Variants in KCNQ1 observed in about 807,000 individuals in gnomAD.
The protein encoded by KCNQ1 is potassium voltage-gated channel subfamily Q member 1, also known as potassium voltage-gated channel subfamily KQT member 1.
Under a neutral mutation model 72.4 loss-of-function variants are expected in KCNQ1, and 49 were observed. The observed-to-expected ratio is 0.68, with a 90% CI of 0.54 to 0.86. KCNQ1 has a LOEUF of 0.86. Among genes scored for constraint, KCNQ1 ranks in the 40% least tolerant of loss-of-function variants. KCNQ1 has a pLI of 0.00. For missense variants in KCNQ1, 790 were observed against 945.1 expected (o/e 0.84, Z 2.15); for synonymous variants, 450 against 412.6 (o/e 1.09, Z -1.10).
rs1352752195 is a variant in KCNQ1 at position 2,567,000 on chromosome 11, C to G, written c.478-3628C>G. On this transcript the variant is annotated intron_variant, in intron 2 of 15. Coordinates refer to ENST00000155840, the MANE Select transcript of KCNQ1 (RefSeq NM_000218.3). The surrounding 1 kb of genome is among the most constrained non-coding windows in gnomAD (Gnocchi z 6.7). ...GGGGTGGAGTGGGGGAGGGAGAGAG[C>G]ACTCCTGACACAGGGTCCTGAGGAG... 6.6e-6 allele frequency among the ~76,000 whole-genome samples: 1 copy of G among 151,236 alleles called. No homozygotes were observed. The highest frequency in any genetic ancestry group is 2.4e-5 in the African/African-American group (1 of 41,136).
chr11:2,832,280 C>A (rs116417315), intron 15 of KCNQ1, among the ~76,000 whole-genome samples: 1,616 of 152,270 alleles, frequency 0.011, 29 homozygotes, highest in African/African-American at 0.037. Context: ...AATGGAGGTA[C>A]CAGAGGGCTG....
At chr11:2,840,393 T>TG (rs1848182763) in intron 15 of KCNQ1, 1 of 152,066 alleles carries the variant, frequency 6.6e-6, no homozygotes, top group Admixed American at 6.6e-5. Flanking sequence ...TCTAATCCAG[T>TG]GGGGAAAAGG....
chr11:2,803,080 C>T lies in KCNQ1; in HGVS notation c.1794+25043C>T, dbSNP rs183938545. ...TGGCAGGATGGGAGTGCCCATCAGC[C>T]GGAAGGCCACGGGAGTCAATGGTGA... is the stretch of plus-strand genomic sequence containing the variant. On this transcript the variant is annotated intron_variant, in intron 15 of 15. Coordinates refer to ENST00000155840, the MANE Select transcript of KCNQ1 (RefSeq NM_000218.3). This position sits in a 1 kb window ranked among gnomAD's most constrained non-coding sequence, Gnocchi z 6.4. 1.7e-4 allele frequency among the ~76,000 whole-genome samples: 26 copies of T among 152,262 alleles called. No homozygotes were observed. The East Asian group carries it at 4.3e-3, about 25-fold the overall frequency.
chr11:2,756,614 T>C (rs1846302576), intron 11 of KCNQ1, among the ~76,000 whole-genome samples: 1 of 151,876 alleles, frequency 6.6e-6, no homozygotes, highest in South Asian at 2.1e-4. Flanking sequence ...TTATTTTGTG[T>C]TTTGTTTGTT....
intron 10 of KCNQ1, chr11:2,634,787 G>T (rs952687929): frequency 6.6e-6 from 1 of 152,168 alleles, no homozygotes; most frequent in Non-Finnish European, 1.5e-5. Flanking sequence ...CTAGTTTACA[G>T]TCCCACCAAC....
chr11:2,556,753 G>A (rs1848076383), intron 2 of KCNQ1, among the ~76,000 whole-genome samples: 1 of 152,184 alleles, frequency 6.6e-6, no homozygotes, highest in African/African-American at 2.4e-5. Flanking sequence ...AAAGCCTTAG[G>A]GAGCCCACTA....
rs1186272026 is a variant in KCNQ1 at position 2,562,393 on chromosome 11, C to T, written c.478-8235C>T. Among the ~76,000 whole-genome samples, 1 of 152,146 alleles carries T rather than the reference C, an allele frequency of 6.6e-6. No individual in the cohort carries two copies. Among genetic ancestry groups the T allele is most frequent in the Non-Finnish European group, 1.5e-5 (1 of 68,000 alleles). On this transcript the variant is annotated intron_variant, in intron 2 of 15. Transcript: ENST00000155840. The surrounding 1 kb of genome is among the most constrained non-coding windows in gnomAD (Gnocchi z 7.5). ...CTGCATTGCCCTCCGGCCAGCTGAC[C>T]CTCCCCGGAGCCGAGGCTGGCTCTC...
intron 11 of KCNQ1, among the ~76,000 whole-genome samples, chr11:2,754,078 T>C (rs151292): frequency 0.13 from 19,344 of 152,248 alleles, 1,379 homozygotes; most frequent in Middle Eastern, 0.21. Context: ...GAACACACGC[T>C]CAGCCTCAGC....
At chr11:2,804,166 G>A (rs1183469168) in intron 15 of KCNQ1, among the ~76,000 whole-genome samples, 3 of 152,010 alleles carry the variant, frequency 2.0e-5, no homozygotes, top group Non-Finnish European at 2.9e-5. Flanking sequence ...TATTCACAGG[G>A]CCAGAAACAA....
rs1242634056 is a variant in KCNQ1, at chr11:2,484,412, G to A, written c.386+38928G>A. Among the ~76,000 whole-genome samples, 2 of 152,094 alleles carry A rather than the reference G, an allele frequency of 1.3e-5. No individual in the cohort carries two copies. Among genetic ancestry groups the A allele is most frequent in the African/African-American group, 2.4e-5 (1 of 41,398 alleles). ...ACTCCTAACCTCAGGTGATCCACCC[G>A]CCTTGGCCTCCCAAAGTGCAGGGAT... is the stretch of plus-strand genomic sequence containing the variant. On this transcript the variant is annotated intron_variant, in intron 1 of 15. Coordinates refer to ENST00000155840, the MANE Select transcript of KCNQ1 (RefSeq NM_000218.3). This position sits in a 1 kb window ranked among gnomAD's most constrained non-coding sequence, Gnocchi z 5.2.
chr11:2,466,020 G>A (rs1034536647), intron 1 of KCNQ1, among the ~76,000 whole-genome samples: 1 of 152,248 alleles, frequency 6.6e-6, no homozygotes, highest in African/African-American at 2.4e-5. Context: ...TTCAGGGCCT[G>A]CATGAGTGTT....
At chr11:2,605,164 G>A (rs190776465) in intron 10 of KCNQ1, among the ~76,000 whole-genome samples, 2 of 152,140 alleles carry the variant, frequency 1.3e-5, no homozygotes, top group Admixed American at 1.3e-4. Context: ...TTGAGTTGAA[G>A]GAGTTATTTA....
chr11:2,608,420 T>C lies in KCNQ1; in HGVS notation c.1393+19566T>C, dbSNP rs1396547572. ...GGCACAAAATTGTTCATAGTGTTCCTTCATAATCCTTTTTATTTCTGTCAG... is the reference window on the plus strand; with the variant it reads ...GGCACAAAATTGTTCATAGTGTTCCCTCATAATCCTTTTTATTTCTGTCAG... On this transcript the variant is annotated intron_variant, in intron 10 of 15. Transcript: ENST00000155840. The surrounding 1 kb of genome is among the most constrained non-coding windows in gnomAD (Gnocchi z 4.6). 1 of 398,538 alleles carries C rather than the reference T, an allele frequency of 2.5e-6. No individual in the cohort carries two copies. Among genetic ancestry groups the C allele is most frequent in the Non-Finnish European group, 4.4e-6 (1 of 226,066 alleles). The allele number at this position is 398,538 out of a possible 1,614,324, so 24.7% of individuals were successfully genotyped here.
rs749084033 is a variant in KCNQ1 at position 2,595,817 on chromosome 11, G to A, written c.1393+6963G>A. Among the ~76,000 whole-genome samples, 5 of 152,268 alleles carry A rather than the reference G, an allele frequency of 3.3e-5. No individual in the cohort carries two copies. Among genetic ancestry groups the A allele is most frequent in the Non-Finnish European group, 5.9e-5 (4 of 68,032 alleles). ...AAATACATTTTATAAGGCTATAGCG[G>A]CCATAGATAGCGATTGCTTTGATGA... On this transcript the variant is annotated intron_variant, in intron 10 of 15. Transcript: ENST00000155840. The surrounding 1 kb of genome is among the most constrained non-coding windows in gnomAD (Gnocchi z 5.0).
In KCNQ1 at chr11:2,462,239, G is replaced by T. The variant is rs2133583444; in HGVS notation, c.386+16755G>T. Among the ~76,000 whole-genome samples, 2 of 152,306 alleles carry T rather than the reference G, an allele frequency of 1.3e-5. No individual in the cohort carries two copies. Among genetic ancestry groups the T allele is most frequent in the South Asian group, 4.1e-4 (2 of 4,834 alleles). On this transcript the variant is annotated intron_variant, in intron 1 of 15. Transcript: ENST00000155840. The surrounding 1 kb of genome is among the most constrained non-coding windows in gnomAD (Gnocchi z 8.2). ...GGTCTTCATGGCTGTTCTTGGGGCT[G>T]CCAGGCCTGCAAGGTAGACAGGCCT...
rs748765267 is a variant in KCNQ1 at position 2,579,892 on chromosome 11, G to A, written c.922-3543G>A. ...GGAAGGTGGTCTCGGGTGTCCTTAC[G>A]CGAGCAGGTGGCTACCTCACCTGCT... On this transcript the variant is annotated intron_variant, in intron 6 of 15. Coordinates refer to ENST00000155840, the MANE Select transcript of KCNQ1 (RefSeq NM_000218.3). The surrounding 1 kb of genome is among the most constrained non-coding windows in gnomAD (Gnocchi z 6.0). Among the ~76,000 whole-genome samples the A allele has an allele frequency of 1.3e-5, 2 of 151,998 alleles. No homozygotes were observed. Among genetic ancestry groups the A allele is most frequent in the African/African-American group, 2.4e-5 (1 of 41,380 alleles).
chr11:2,628,803 G>A (rs1849304250), intron 10 of KCNQ1: 2 of 398,276 alleles, frequency 5.0e-6, no homozygotes, highest in Admixed American at 4.4e-5. Context: ...ACAGTGTAGG[G>A]TAAGGTTCCA....
chr11:2,705,166 C>T (rs777195599), intron 11 of KCNQ1, among the ~76,000 whole-genome samples: 13 of 152,224 alleles, frequency 8.5e-5, no homozygotes, highest in Non-Finnish European at 1.9e-4. Context: ...CCTCAGACAA[C>T]AGTGCTGTGT....
Position 2,620,885 on chromosome 11 carries a change from T to A in KCNQ1, c.1393+32031T>A, listed in dbSNP as rs1309867411. 4 of 398,482 alleles carry A rather than the reference T, an allele frequency of 1.0e-5. No homozygotes were observed. Among genetic ancestry groups the A allele is most frequent in the African/African-American group, 6.2e-5 (3 of 48,644 alleles). The allele number at this position is 398,482 out of a possible 1,614,324, so 24.7% of individuals were successfully genotyped here. A position where few individuals can be genotyped will look rare whatever the true frequency, so the allele number is the denominator to read the frequency against. On this transcript the variant is annotated intron_variant, in intron 10 of 15. Transcript: ENST00000155840. The surrounding 1 kb of genome is among the most constrained non-coding windows in gnomAD (Gnocchi z 4.5). ...TTTGACTTTTTAATAATTGCCATTC[T>A]GACTGGTGTGAGATGGCATCCCATT... is the stretch of plus-strand genomic sequence containing the variant.
Sources: allele counts gnomAD v4.1 joint callset (sites outside exome capture counted in the v4.1 genomes callset), GRCh38; gene constraint gnomAD v4.1.1; non-coding constraint Gnocchi (gnomAD v3.1); transcripts MANE v1.5; gene names NCBI Gene and HGNC (gene_info 2026-07-23, HGNC 2026-07-21).